OR51B5: variants seen among roughly 807,000 people sequenced by gnomAD.
The protein encoded by OR51B5 is olfactory receptor 51B5.
For missense variants in OR51B5, 456 were observed against 374.6 expected, an observed-to-expected ratio of 1.22 and a Z score of -1.79; for synonymous variants, 186 against 144.8, an observed-to-expected ratio of 1.28 and a Z score of -2.04.
At chr11:5,437,021 G>C (rs949571376) in intron 1 of OR51B5, among the ~76,000 whole-genome samples, 3 of 152,132 alleles carry the variant, frequency 2.0e-5, no homozygotes, top group African/African-American at 7.2e-5. Context: ...CTTTGCCTGA[G>C]TGTGATGCTG....
intron 1 of OR51B5, among the ~76,000 whole-genome samples, chr11:5,384,980 A>C (rs955393383): frequency 2.0e-5 from 3 of 152,236 alleles, no homozygotes; most frequent in Non-Finnish European, 4.4e-5. Flanking sequence ...TATTTACAAG[A>C]AACAGTATCC....
chr11:5,458,003 C>T (rs147175088), intron 1 of OR51B5, among the ~76,000 whole-genome samples: 22 of 152,190 alleles, frequency 1.4e-4, no homozygotes, highest in African/African-American at 4.3e-4. Context: ...TTTGTTGCAA[C>T]GGCTTTTGGA....
At chr11:5,440,120 T>G (rs960244071) in intron 1 of OR51B5, among the ~76,000 whole-genome samples, 1 of 152,190 alleles carries the variant, frequency 6.6e-6, no homozygotes, top group African/African-American at 2.4e-5. Context: ...ACAAACAAAG[T>G]AGATCTTCTC....
intron 1 of OR51B5, among the ~76,000 whole-genome samples, chr11:5,367,066 C>A (rs1436128004): frequency 6.6e-6 from 1 of 152,214 alleles, no homozygotes; most frequent in South Asian, 2.1e-4. Context: ...CAAAGACATT[C>A]TCTCAAGTCT....
chr11:5,378,080 C>A (rs922438969), intron 1 of OR51B5, among the ~76,000 whole-genome samples: 2 of 151,940 alleles, frequency 1.3e-5, no homozygotes, highest in African/African-American at 4.8e-5. Context: ...GCTACAGTAA[C>A]CAAAACAGCA....
intron 1 of OR51B5, among the ~76,000 whole-genome samples, chr11:5,476,590 A>G (rs1010845756): frequency 6.6e-6 from 1 of 152,168 alleles, no homozygotes; most frequent in Non-Finnish European, 1.5e-5. Flanking sequence ...TATTTCATGT[A>G]TTTACACTGA....
intron 1 of OR51B5, among the ~76,000 whole-genome samples, chr11:5,440,090 C>A (rs1283639709): frequency 2.6e-5 from 4 of 152,204 alleles, no homozygotes; most frequent in Admixed American, 2.6e-4. Context: ...AACCACTCAA[C>A]ATAGCCTGTT....
At chr11:5,434,966 G>T (rs1850573673) in intron 1 of OR51B5, among the ~76,000 whole-genome samples, 1 of 152,128 alleles carries the variant, frequency 6.6e-6, no homozygotes, top group African/African-American at 2.4e-5. Flanking sequence ...ATTTTTCCAG[G>T]CAGAGAAAAA....
chr11:5,499,423 C>A (rs1851690052), intron 1 of OR51B5, among the ~76,000 whole-genome samples: 1 of 149,834 alleles, frequency 6.7e-6, no homozygotes, highest in African/African-American at 2.5e-5. Flanking sequence ...TTCAGCAACA[C>A]CCACAGATAC....
chr11:5,429,096 C>G (rs924385024), intron 1 of OR51B5, among the ~76,000 whole-genome samples: 1 of 152,144 alleles, frequency 6.6e-6, no homozygotes, highest in African/African-American at 2.4e-5. Context: ...GCACCCACCA[C>G]ACACAGAGCC....
At chr11:5,401,951 TCTTCTTTCCTTC>T (rs1175157601) in intron 1 of OR51B5, among the ~76,000 whole-genome samples, 1 of 150,592 alleles carries the variant, frequency 6.6e-6, no homozygotes, top group African/African-American at 2.5e-5. Flanking sequence ...TTCTTTCCTC[TCTTCTTTCCTTC>T]CTTCTTTCCT....
At chr11:5,362,243 G>T (rs1228697144) in intron 1 of OR51B5, among the ~76,000 whole-genome samples, 1 of 152,166 alleles carries the variant, frequency 6.6e-6, no homozygotes, top group East Asian at 1.9e-4. Flanking sequence ...GTCGGGGGAT[G>T]GGAGTAGATA....
intron 1 of OR51B5, among the ~76,000 whole-genome samples, chr11:5,365,000 A>C (rs1343199334): frequency 6.6e-6 from 1 of 152,216 alleles, no homozygotes; most frequent in Non-Finnish European, 1.5e-5. Context: ...GGATTTCTCA[A>C]GTAACTGCTT....
At chr11:5,359,042 G>C (rs997235147) in intron 1 of OR51B5, among the ~76,000 whole-genome samples, 3 of 152,206 alleles carry the variant, frequency 2.0e-5, no homozygotes, top group African/African-American at 7.2e-5. Context: ...ATATCATACT[G>C]AATGGACAAA....
chr11:5,402,765 G>C (rs1410499701), intron 1 of OR51B5: 3 of 471,330 alleles, frequency 6.4e-6, no homozygotes, highest in African/African-American at 6.0e-5. Context: ...AACAGATATT[G>C]CCCTACATCA....
At chr11:5,505,379 A>C (rs947746197) in intron 1 of OR51B5, 1 of 1,304,068 alleles carries the variant, frequency 7.7e-7, no homozygotes, top group African/African-American at 1.5e-5. Flanking sequence ...TGGAGAGGCA[A>C]GACTTTCCTC....
chr11:5,407,227 CTT>C (rs1850071251), intron 1 of OR51B5, among the ~76,000 whole-genome samples: 1 of 152,078 alleles, frequency 6.6e-6, no homozygotes. Context: ...AAGATGGACA[CTT>C]TTATCTATGA....
exon 1 of OR51B5, chr11:5,343,153 G>T (rs769748864): frequency 1.9e-6 from 3 of 1,613,944 alleles, no homozygotes; most frequent in Non-Finnish European, 2.5e-6. Context: ...GAGGGTTGCA[G>T]ATGGCAATAA....
intron 1 of OR51B5, among the ~76,000 whole-genome samples, chr11:5,477,568 G>C (rs1851330646): frequency 6.6e-6 from 1 of 152,220 alleles, no homozygotes; most frequent in Non-Finnish European, 1.5e-5. Flanking sequence ...CAACGCAGAA[G>C]ACGGGTGATT....
Sources: gnomAD v4.1 joint callset for allele counts (sites outside exome capture counted in the v4.1 genomes callset) on GRCh38, gnomAD v4.1.1 for gene constraint, MANE v1.5 for transcripts, NCBI Gene and HGNC (gene_info 2026-07-23, HGNC 2026-07-21) for gene names.